MIA2: variants seen among roughly 807,000 people sequenced by gnomAD.
MIA2 encodes MIA SH3 domain ER export factor 2, also known as melanoma inhibitory activity protein 2.
In MIA2, 127 loss-of-function variants were observed where a neutral mutation model predicts 167.8. The observed-to-expected ratio is 0.76, with a 90% CI of 0.66 to 0.88. The LOEUF (loss-of-function observed/expected upper bound fraction) is 0.88, where lower values mean the gene tolerates loss of function less well. Among genes scored for constraint, MIA2 ranks in the 40% least tolerant of loss-of-function variants. The probability of loss-of-function intolerance (pLI) is 0.00; values close to 1 mark genes in which losing one functional copy is unlikely to be tolerated. For synonymous variants in MIA2, 552 were observed against 541.9 expected (o/e 1.02, Z -0.26); for missense variants, 1,690 against 1,624.7 (o/e 1.04, Z -0.69).
intron 23 of MIA2, among the ~76,000 whole-genome samples, chr14:39,380,863 AAG>A (rs1567062210): frequency 1.3e-5 from 2 of 152,108 alleles, no homozygotes; most frequent in East Asian, 3.8e-4. Flanking sequence ...TGGTTCTCCA[AAG>A]AGAAAGATAT....
intron 9 of MIA2, among the ~76,000 whole-genome samples, chr14:39,283,844 AT>A (rs2059275183): frequency 6.6e-6 from 1 of 152,124 alleles, no homozygotes. Context: ...CTGTTTTTAA[AT>A]CAGGTTGTAT....
intron 24 of MIA2, among the ~76,000 whole-genome samples, chr14:39,325,145 C>T (rs1420286222): frequency 6.6e-6 from 1 of 151,870 alleles, no homozygotes; most frequent in Non-Finnish European, 1.5e-5. Context: ...ATTGCTTGAG[C>T]CTAGGAGGCG....
At chr14:39,340,968 G>T (rs1288841634) in intron 25 of MIA2, among the ~76,000 whole-genome samples, 1 of 152,142 alleles carries the variant, frequency 6.6e-6, no homozygotes, top group Non-Finnish European at 1.5e-5. Flanking sequence ...GAATGAAAAA[G>T]AGATGGTAGC....
At chr14:39,380,972 TAAACACCC>T (rs1341018531) in intron 23 of MIA2, among the ~76,000 whole-genome samples, 1 of 143,212 alleles carries the variant, frequency 7.0e-6, no homozygotes, top group Non-Finnish European at 1.5e-5. Flanking sequence ...TGTCCTTTCT[TAAACACCC>T]AAGAGCAGCC....
chr14:39,267,613 C>T, intron 6 of MIA2: 2 of 1,479,166 alleles, frequency 1.4e-6, no homozygotes, highest in Admixed American at 2.0e-5. Context: ...GGGTCTAAGC[C>T]GCCGTGGTCA....
Position 39,266,406 on chromosome 14 carries a change from C to T in MIA2, c.1888-10528C>T, listed in dbSNP as rs547611437. The T allele has an allele frequency of 4.4e-3, 4,305 of 985,388 alleles. 12 individuals carry two copies. Among genetic ancestry groups the T allele is most frequent in the Non-Finnish European group, 4.9e-3 (4,050 of 829,936 alleles). 61.0% of individuals were successfully genotyped at this position (985,388 alleles called of 1,614,324 possible). A position where few individuals can be genotyped will look rare whatever the true frequency, so the allele number is the denominator to read the frequency against. ...AGGTGCTACTTTTAGCTCCTCTTCTCGGAGGAAAACAGCACGCACCGCGCC... is the reference window on the plus strand; with the variant it reads ...AGGTGCTACTTTTAGCTCCTCTTCTTGGAGGAAAACAGCACGCACCGCGCC... On this transcript the variant is annotated intron_variant, in intron 6 of 28. Coordinates refer to ENST00000640607, the MANE Select transcript of MIA2 (RefSeq NM_001329214.4).
intron 23 of MIA2, chr14:39,386,397 G>A (rs916938095): frequency 1.5e-5 from 24 of 1,553,010 alleles, no homozygotes; most frequent in Non-Finnish European, 2.0e-5. Context: ...CTTACACTAC[G>A]TTTCCTTTTG....
chr14:39,238,951 G>A (rs1020417387), intron 2 of MIA2, among the ~76,000 whole-genome samples: 14 of 151,702 alleles, frequency 9.2e-5, no homozygotes, highest in Admixed American at 2.0e-4. Flanking sequence ...ATTGAAAAAA[G>A]GTTTATCTTT....
chr14:39,276,633 A>G (rs887250429), intron 6 of MIA2: 4 of 258,452 alleles, frequency 1.5e-5, no homozygotes, highest in Middle Eastern at 2.6e-3. Flanking sequence ...AATCAGGGTA[A>G]GAGTACCTGA....
rs545370412 is a variant in MIA2, at chr14:39,306,096, C to G, written c.2878+1715C>G. Among the ~76,000 whole-genome samples, 324 of 151,704 alleles carry G rather than the reference C, an allele frequency of 2.1e-3. 3 individuals carry two copies. Among genetic ancestry groups the G allele is most frequent in the African/African-American group, 7.7e-3 (317 of 41,386 alleles). Reference sequence around the variant, plus strand: ...CTTGGCAATGGCTTAAAGCCTAGGTCAATGAATTTTTTTTTTTCTGATGTA... The same window carrying G: ...CTTGGCAATGGCTTAAAGCCTAGGTGAATGAATTTTTTTTTTTCTGATGTA... On this transcript the variant is annotated intron_variant, in intron 17 of 28. Coordinates refer to ENST00000640607, the MANE Select transcript of MIA2 (RefSeq NM_001329214.4).
In MIA2 at chr14:39,291,078, A is replaced by G. The variant is rs1469681309; in HGVS notation, c.2190A>G (p.Thr730=). 7 of 1,606,490 alleles carry G rather than the reference A, an allele frequency of 4.4e-6. No homozygotes were observed. The Admixed American group carries it at 1.2e-4, about 28-fold the overall frequency. The change falls in exon 10 of 29, where the codon ACA becomes ACG. Residue 730 remains threonine (T), a synonymous_variant. Transcript: ENST00000640607. ...ATGCCAGCTTTGAGAAGGAGGCAAC[A>G]GAAGCACAAAGTTTGGAGGTAGAAA... is the stretch of plus-strand genomic sequence containing the variant. ...LKDASFEKEA[T]EAQSLEATCE... is the part of the protein sequence containing the mutation.
intron 23 of MIA2, among the ~76,000 whole-genome samples, chr14:39,369,901 CTTTG>C (rs2074900631): frequency 6.6e-6 from 1 of 152,148 alleles, no homozygotes; most frequent in African/African-American, 2.4e-5. Flanking sequence ...TTAGTTTCTT[CTTTG>C]TTCATCATTT....
At chr14:39,267,798 A>G (rs2056231526) in intron 6 of MIA2, among the ~76,000 whole-genome samples, 3 of 152,208 alleles carry the variant, frequency 2.0e-5, no homozygotes, top group Non-Finnish European at 4.4e-5. Flanking sequence ...ATGTTTCCCG[A>G]TTCCTAAAAC....
At chr14:39,334,129 T>G (rs2069672314) in intron 25 of MIA2, among the ~76,000 whole-genome samples, 1 of 151,494 alleles carries the variant, frequency 6.6e-6, no homozygotes, top group Admixed American at 6.6e-5. Context: ...CTACCTAAAG[T>G]TAAAAAATAT....
intron 17 of MIA2, among the ~76,000 whole-genome samples, chr14:39,307,327 G>A (rs117478140): frequency 0.017 from 2,559 of 150,290 alleles, 35 homozygotes; most frequent in South Asian, 0.045. Flanking sequence ...TTGAAAATTA[G>A]ATGCTAGAAT....
At chr14:39,286,297 C>T (rs1431925031) in intron 9 of MIA2, among the ~76,000 whole-genome samples, 1 of 151,896 alleles carries the variant, frequency 6.6e-6, no homozygotes, top group Non-Finnish European at 1.5e-5. Context: ...ATATGAAAAC[C>T]AGTCAGGTGT....
At chr14:39,267,111 T>G (rs2152677581) in intron 6 of MIA2, 1 of 1,128,100 alleles carries the variant, frequency 8.9e-7, no homozygotes, top group Non-Finnish European at 1.1e-6. Flanking sequence ...AAGGGGAAGT[T>G]TGCGGCTGTC....
chr14:39,368,773 A>G (rs1220190659), intron 23 of MIA2, among the ~76,000 whole-genome samples: 1 of 146,704 alleles, frequency 6.8e-6, no homozygotes, highest in Non-Finnish European at 1.5e-5. Context: ...TATATATTCC[A>G]GTCATTCTCT....
At chr14:39,337,840 C>T (rs1331917761) in intron 25 of MIA2, among the ~76,000 whole-genome samples, 1 of 152,094 alleles carries the variant, frequency 6.6e-6, no homozygotes, top group Non-Finnish European at 1.5e-5. Flanking sequence ...GCCTCAGCCT[C>T]CTGAGTAGCT....
Sources: allele counts gnomAD v4.1 joint callset (sites outside exome capture counted in the v4.1 genomes callset), GRCh38; gene constraint gnomAD v4.1.1; transcripts MANE v1.5; gene names NCBI Gene and HGNC (gene_info 2026-07-23, HGNC 2026-07-21).